MYBL1: variants seen among roughly 807,000 people sequenced by gnomAD.
The protein encoded by MYBL1 is myb-related protein A.
Under a neutral mutation model 96.3 loss-of-function variants are expected in MYBL1, and 17 were observed. That is an observed-to-expected ratio of 0.18 (90% CI 0.12 to 0.26). The LOEUF is 0.26. MYBL1 is among the 10% of genes least tolerant of loss of function. The pLI is 1.00. For synonymous variants in MYBL1, 282 were observed against 292.7 expected (o/e 0.96, Z 0.37); for missense variants, 701 against 882.9 (o/e 0.79, Z 2.61).
At chr8:66,580,804 C>T (rs1202428743) in intron 8 of MYBL1, among the ~76,000 whole-genome samples, 2 of 152,060 alleles carry the variant, frequency 1.3e-5, no homozygotes, top group Non-Finnish European at 2.9e-5. Context: ...CATATTGCTG[C>T]TCCCTCTATC....
chr8:66,589,114 C>T (rs2129908075), intron 8 of MYBL1, among the ~76,000 whole-genome samples: 1 of 152,228 alleles, frequency 6.6e-6, no homozygotes, highest in South Asian at 2.1e-4. Flanking sequence ...ACTTATTCAA[C>T]CAAATCTTTA....
In MYBL1 at chr8:66,572,494, A is replaced by G; in HGVS notation, c.1716T>C (p.Pro572=). ...ALAAQEKKYG[P]LKIVSQPLAF... ...TGAATATACATACCACAATTTTAAG[A>G]GGTCCATATTTTTTCTCCTGAGCAG... The change falls in exon 12 of 16, where the codon CCT becomes CCC. Residue 572 remains proline (P), a synonymous_variant. Transcript: ENST00000522677. The G allele has an allele frequency of 6.4e-7, 1 of 1,559,468 alleles. No individual in the cohort carries two copies. Among genetic ancestry groups the G allele is most frequent in the Non-Finnish European group, 8.8e-7 (1 of 1,138,604 alleles).
chr8:66,566,845 AC>A, intron 13 of MYBL1, 30 bp downstream of exon 13: 2 of 1,589,818 alleles, frequency 1.3e-6, no homozygotes, highest in Non-Finnish European at 1.7e-6. Flanking sequence ...ATACAATAAG[AC>A]TTTTATTAAC....
In MYBL1 at chr8:66,573,443, G is replaced by T; in HGVS notation, c.1534C>A (p.Pro512Thr). The part of the protein sequence containing the change: ...NIENPSFTST[P>T]ICGQKALITT... ...ATGAGAGCTTTCTGCCCACAAATAG[G>T]GGTTGATGTAAATGAAGGATTTTCT... The change falls in exon 11 of 16, where the codon CCT becomes ACT. Residue 512 changes from proline to threonine, a missense_variant. By Grantham distance (38) the Pro-to-Thr change is conservative. Coordinates refer to ENST00000522677, the MANE Select transcript of MYBL1 (RefSeq NM_001080416.4). 22 of 1,612,102 alleles carry T rather than the reference G, an allele frequency of 1.4e-5. No individual in the cohort carries two copies. The highest frequency in any genetic ancestry group is 1.9e-5 in the Non-Finnish European group (22 of 1,178,956).
chr8:66,571,645 G>A (rs1431322034), intron 12 of MYBL1, among the ~76,000 whole-genome samples: 1 of 152,176 alleles, frequency 6.6e-6, no homozygotes, highest in African/African-American at 2.4e-5. Context: ...ACTTTGGGAG[G>A]CCGAAGGTGG....
chr8:66,566,302 G>T, intron 14 of MYBL1, 59 bp from the exon 15 acceptor site: 2 of 1,043,718 alleles, frequency 1.9e-6, no homozygotes, highest in South Asian at 1.8e-5. Context: ...CAAATGGAGG[G>T]ACTACTGAGT....
intron 8 of MYBL1, among the ~76,000 whole-genome samples, chr8:66,591,383 A>T (rs1240723710): frequency 6.6e-6 from 1 of 152,104 alleles, no homozygotes; most frequent in Non-Finnish European, 1.5e-5. Context: ...TAAAAACCTA[A>T]GAAAAGTTAT....
chr8:66,572,385 ATCT>A (rs1190805806), intron 12 of MYBL1, 94 bp downstream of exon 12: 1 of 599,642 alleles, frequency 1.7e-6, no homozygotes, highest in African/African-American at 1.8e-5. Context: ...TTCAGTAAAT[ATCT>A]TTTTTTAAAT....
At position 66,613,006 on chromosome 8, in the gene MYBL1, G is replaced by T; in HGVS notation, c.-168C>A. Reference sequence around the variant, plus strand: ...GACAGGGCAGGACGGAGGGACAGCGGGGGCGGACCGCGACCCGACCCCGAC... The same window carrying T: ...GACAGGGCAGGACGGAGGGACAGCGTGGGCGGACCGCGACCCGACCCCGAC... On this transcript the variant is annotated 5_prime_UTR_variant, in exon 1 of 16. Coordinates refer to ENST00000522677, the MANE Select transcript of MYBL1 (RefSeq NM_001080416.4). 1.3e-6 allele frequency: 1 copy of T among 764,556 alleles called. No individual in the cohort carries two copies. The allele number at this position is 764,556 out of a possible 1,614,324, so 47.4% of individuals were successfully genotyped here.
chr8:66,606,611 T>C (rs575799814), intron 1 of MYBL1, among the ~76,000 whole-genome samples: 1 of 152,360 alleles, frequency 6.6e-6, no homozygotes, highest in South Asian at 2.1e-4. Flanking sequence ...TCCATTGACT[T>C]GTCAATTCCA....
chr8:66,570,546 C>T (rs1808688086), intron 12 of MYBL1, among the ~76,000 whole-genome samples: 1 of 152,158 alleles, frequency 6.6e-6, no homozygotes, highest in African/African-American at 2.4e-5. Flanking sequence ...TCATTGTTTA[C>T]TTGTCTAATC....
rs1808494269 is a variant in MYBL1 at position 66,566,153 on chromosome 8, T to C, written c.2041A>G (p.Ile681Val). ...GTATATGTTTTGTTGGTTGAATTTATATCTTGTTTTTCAGGAATCAAGTTG... is the reference window on the plus strand; with the variant it reads ...GTATATGTTTTGTTGGTTGAATTTACATCTTGTTTTTCAGGAATCAAGTTG... ...RCNLIPEKQD[I>V]NSTNKTYTLT... The change falls in exon 15 of 16, where the codon ATA (isoleucine) becomes GTA (valine). Residue 681 changes from isoleucine (I) to valine (V), a missense_variant. Transcript: ENST00000522677. 1.9e-6 allele frequency: 3 copies of C among 1,539,702 alleles called. No individual in the cohort carries two copies. Among genetic ancestry groups the C allele is most frequent in the Non-Finnish European group, 2.6e-6 (3 of 1,135,418 alleles).
chr8:66,579,225 TATA>T (rs1024835996), intron 9 of MYBL1, among the ~76,000 whole-genome samples: 1 of 151,370 alleles, frequency 6.6e-6, no homozygotes, highest in African/African-American at 2.4e-5. Flanking sequence ...AAACTTAAAG[TATA>T]ATAATAATAA....
chr8:66,580,336 T>C lies in MYBL1; in HGVS notation c.898A>G (p.Ser300Gly). 6.2e-7 allele frequency: 1 copy of C among 1,607,596 alleles called. No homozygotes were observed. Among genetic ancestry groups the C allele is most frequent in the Non-Finnish European group, 8.5e-7 (1 of 1,174,750 alleles). ...GACATGTTATCATCCATGAGGAAACTACCAGACCAGCTAGAAAAACTTCCA... is the reference window on the plus strand; with the variant it reads ...GACATGTTATCATCCATGAGGAAACCACCAGACCAGCTAGAAAAACTTCCA... ...QPGSFSSWSG[S>G]FLMDDNMSNT... Residue 300 changes from serine to glycine, a missense_variant, in exon 9 of 16, where the codon AGT (serine) becomes GGT (glycine). Ser to Gly is a moderately conservative substitution (Grantham distance 56). Around this residue, in one of 5 missense-constraint regions of MYBL1, gnomAD observed 396 missense variants for 407.4 expected, o/e 0.97. Transcript: ENST00000522677.
At chr8:66,594,303 G>C (rs1482317891) in intron 6 of MYBL1, among the ~76,000 whole-genome samples, 1 of 152,018 alleles carries the variant, frequency 6.6e-6, no homozygotes, top group Non-Finnish European at 1.5e-5. Context: ...GCTCAACTTG[G>C]TAACTCTAAT....
At chr8:66,602,996 C>T (rs868395215) in intron 1 of MYBL1, among the ~76,000 whole-genome samples, 5 of 151,730 alleles carry the variant, frequency 3.3e-5, no homozygotes, top group African/African-American at 4.8e-5. Flanking sequence ...CTGCCCGACT[C>T]GGCCTCCCAA....
rs1450396736 is a variant in MYBL1, at chr8:66,593,157, C to A, written c.725G>T (p.Cys242Phe). The A allele has an allele frequency of 3.8e-6, 6 of 1,588,826 alleles. No homozygotes were observed. The highest frequency in any genetic ancestry group is 4.3e-6 in the Non-Finnish European group (5 of 1,165,576). ...AGAAGTAGGCTGAACATGTTCTATA[C>A]AATTGCCTTCAGGTGACACATACTG... ...GYQYVSPEGN[C>F]IEHVQPTSAF... Residue 242 changes from cysteine (C) to phenylalanine (F), a missense_variant, in exon 7 of 16, where the codon TGT becomes TTT. Cys to Phe is a radical substitution (Grantham distance 205). Transcript: ENST00000522677.
Position 66,566,934 on chromosome 8 carries a change from C to G in MYBL1, c.1787G>C (p.Gly596Ala). 6.2e-7 allele frequency: 1 copy of G among 1,613,292 alleles called. No homozygotes were observed. The highest frequency in any genetic ancestry group is 1.7e-4 in the Middle Eastern group (1 of 6,056). The change falls in exon 13 of 16, where the codon GGA (glycine) becomes GCA (alanine). Residue 596 changes from glycine to alanine, a missense_variant. By Grantham distance (60) the Gly-to-Ala change is moderately conservative. This residue lies in a region of MYBL1 where 63 missense variants were observed against 109.2 expected (regional missense o/e 0.58). Coordinates refer to ENST00000522677, the MANE Select transcript of MYBL1 (RefSeq NM_001080416.4). ...DIREVLKEET[G>A]TDLFLKEEDE... is the part of the protein sequence containing the mutation. ...TTCCTCTTTGAGGAATAGGTCTGTTCCAGTTTCTTCTTTTAAAACTTCCCG... is the reference window on the plus strand; with the variant it reads ...TTCCTCTTTGAGGAATAGGTCTGTTGCAGTTTCTTCTTTTAAAACTTCCCG...
intron 4 of MYBL1, among the ~76,000 whole-genome samples, 153 bp from the exon 5 acceptor site, chr8:66,597,703 T>C (rs1375486373): frequency 1.3e-5 from 2 of 152,040 alleles, no homozygotes; most frequent in Non-Finnish European, 2.9e-5. Context: ...CTTTAGCATT[T>C]GCCAGCTTCA....
Sources: allele counts gnomAD v4.1 joint callset (sites outside exome capture counted in the v4.1 genomes callset), GRCh38; gene constraint gnomAD v4.1.1; regional missense constraint gnomAD v4.1.1; transcripts MANE v1.5; gene names NCBI Gene and HGNC (gene_info 2026-07-23, HGNC 2026-07-21).